The following FARP1 variants were observed in gnomAD, a reference collection of about 807,000 sequenced individuals.
FARP1 encodes FERM, ARHGEF and pleckstrin domain-containing protein 1.
FARP1 carries 52 observed loss-of-function variants against 128.8 expected under a neutral mutation model. The observed-to-expected ratio is 0.40, with a 90% CI of 0.32 to 0.51. The LOEUF is 0.51. Among genes scored for constraint, FARP1 ranks in the 20% least tolerant of loss-of-function variants. The pLI is 0.45. For synonymous variants in FARP1, 580 were observed against 551.8 expected (o/e 1.05, Z -0.72); for missense variants, 1,333 against 1,367.9 (o/e 0.97, Z 0.40).
intron 2 of FARP1, among the ~76,000 whole-genome samples, chr13:98,235,845 CAG>C (rs1458369983): frequency 1.5e-5 from 2 of 135,152 alleles, no homozygotes; most frequent in Non-Finnish European, 3.1e-5. Flanking sequence ...TTCCCTGAGA[CAG>C]AGTTTCGCTC....
intron 2 of FARP1, among the ~76,000 whole-genome samples, chr13:98,229,540 A>G (rs1233719631): frequency 2.0e-5 from 3 of 151,544 alleles, no homozygotes; most frequent in Non-Finnish European, 4.4e-5. Flanking sequence ...TCTGTTGCCC[A>G]GGCTAGAGCA....
intron 16 of FARP1, among the ~76,000 whole-genome samples, chr13:98,416,260 G>C (rs562609889): frequency 4.2e-4 from 64 of 152,310 alleles, no homozygotes; most frequent in Middle Eastern, 6.8e-3. Flanking sequence ...TTAATGGAAA[G>C]AGATCTAAAG....
intron 5 of FARP1, among the ~76,000 whole-genome samples, chr13:98,372,787 C>T (rs2139993163): frequency 6.6e-6 from 1 of 152,298 alleles, no homozygotes; most frequent in African/African-American, 2.4e-5. Context: ...GAGGTGGACT[C>T]TCCTCACGTC....
At chr13:98,435,908 C>T (rs758248496) in intron 19 of FARP1, 1 of 677,302 alleles carries the variant, frequency 1.5e-6, no homozygotes, top group South Asian at 1.5e-5. Context: ...ATCCTCTGAC[C>T]TCATATTCTG....
chr13:98,259,088 A>G (rs1455672927), intron 2 of FARP1, among the ~76,000 whole-genome samples: 4 of 152,074 alleles, frequency 2.6e-5, no homozygotes, highest in South Asian at 4.2e-4. Context: ...GGATGTGCCT[A>G]TAAACACAGC....
intron 17 of FARP1, among the ~76,000 whole-genome samples, chr13:98,428,917 C>T (rs1200242211): frequency 4.6e-5 from 7 of 151,834 alleles, no homozygotes; most frequent in African/African-American, 9.7e-5. Context: ...CACACATGCA[C>T]GCACATGCAC....
In FARP1 at chr13:98,260,624, C is replaced by T. The variant is rs77130737; in HGVS notation, c.171+47211C>T. Among the ~76,000 whole-genome samples, 640 of 152,348 alleles carry T rather than the reference C, an allele frequency of 4.2e-3. 6 individuals are homozygous for T. Among genetic ancestry groups the T allele is most frequent in the African/African-American group, 0.014 (587 of 41,574 alleles). ...CTTGCTTTATAAAGCTGCCCACACA[C>T]TCTTCACTCTACTTGCTTTTTGGTC... On this transcript the variant is annotated intron_variant, in intron 2 of 26. Transcript: ENST00000319562.
chr13:98,350,692 T>A (rs1486439615), intron 3 of FARP1, among the ~76,000 whole-genome samples: 1 of 152,140 alleles, frequency 6.6e-6, no homozygotes, highest in African/African-American at 2.4e-5. Context: ...ATCTTTTCCC[T>A]CTGTACTTTT....
chr13:98,429,889 G>A lies in FARP1; in HGVS notation c.1906-1154G>A, dbSNP rs368100934. The stretch of plus-strand genomic sequence containing the variant: ...ATTACAAAACCTTTCATCATTTTGT[G>A]CCTTTTATATCTATAGACATGTATA... On this transcript the variant is annotated intron_variant, in intron 17 of 26. Coordinates refer to ENST00000319562, the MANE Select transcript of FARP1 (RefSeq NM_005766.4). Among the ~76,000 whole-genome samples the A allele has an allele frequency of 1.1e-4, 16 of 152,250 alleles. No individual in the cohort carries two copies. In the East Asian group the frequency reaches 2.1e-3, roughly 20 times the overall value.
intron 7 of FARP1, 80 bp downstream of exon 7, chr13:98,384,924 C>A: frequency 2.5e-6 from 2 of 804,478 alleles, no homozygotes; most frequent in Non-Finnish European, 2.2e-6. Context: ...CATCCCTCCA[C>A]CCCCCACACA....
intron 2 of FARP1, among the ~76,000 whole-genome samples, chr13:98,306,938 G>A (rs1262014018): frequency 1.3e-5 from 2 of 152,234 alleles, no homozygotes; most frequent in Admixed American, 1.3e-4. Context: ...CTTGGGCCAT[G>A]TCATTCTTAT....
intron 1 of FARP1, chr13:98,177,237 G>A (rs2139186866): frequency 1.3e-6 from 2 of 1,546,522 alleles, no homozygotes; most frequent in East Asian, 2.3e-5. Flanking sequence ...GCGCTGCCAT[G>A]TTTGAGTCTC....
intron 2 of FARP1, among the ~76,000 whole-genome samples, chr13:98,286,178 A>G (rs1160807099): frequency 6.6e-6 from 1 of 152,106 alleles, no homozygotes; most frequent in Non-Finnish European, 1.5e-5. Flanking sequence ...CGTCTCTTGT[A>G]GCCAAGCAGT....
chr13:98,367,323 A>G (rs1889130577), intron 4 of FARP1, among the ~76,000 whole-genome samples: 1 of 152,124 alleles, frequency 6.6e-6, no homozygotes, highest in East Asian at 1.9e-4. Context: ...CGCCTGACTA[A>G]TTTTTAGTAC....
intron 1 of FARP1, among the ~76,000 whole-genome samples, chr13:98,212,458 T>C (rs1880782468): frequency 6.6e-6 from 1 of 152,132 alleles, no homozygotes; most frequent in Non-Finnish European, 1.5e-5. Flanking sequence ...TGTGGAGACC[T>C]GGAGCCAGAC....
chr13:98,156,302 T>C (rs1281128504), intron 1 of FARP1, among the ~76,000 whole-genome samples: 1 of 152,230 alleles, frequency 6.6e-6, no homozygotes, highest in African/African-American at 2.4e-5. Context: ...TATTAAACCA[T>C]GAAGCTTTGA....
intron 5 of FARP1, among the ~76,000 whole-genome samples, chr13:98,368,855 TGTC>T (rs770842187): frequency 7.9e-5 from 12 of 152,008 alleles, no homozygotes; most frequent in Non-Finnish European, 1.5e-4. Context: ...CTGTTTTCAT[TGTC>T]GTCACCATCA....
intron 13 of FARP1, chr13:98,406,466 C>T (rs868307494): frequency 1.3e-5 from 2 of 152,216 alleles, no homozygotes; most frequent in East Asian, 3.8e-4. Context: ...TGTTTAAACA[C>T]ACCCATTGCC....
chr13:98,305,784 G>A (rs768616241), intron 2 of FARP1, among the ~76,000 whole-genome samples: 3 of 152,048 alleles, frequency 2.0e-5, no homozygotes, highest in South Asian at 2.1e-4. Context: ...CAGTGTTGAC[G>A]TTCCCCTGGT....
Sources: allele counts gnomAD v4.1 joint callset (sites outside exome capture counted in the v4.1 genomes callset), GRCh38; gene constraint gnomAD v4.1.1; transcripts MANE v1.5; gene names NCBI Gene and HGNC (gene_info 2026-07-23, HGNC 2026-07-21).